The following LCLAT1 variants were observed in gnomAD, a reference collection of about 807,000 sequenced individuals.
LCLAT1 encodes 1-AGP acyltransferase 8.
A neutral mutation model predicts 30.7 loss-of-function variants in LCLAT1; 11 were observed. The ratio of observed to expected loss-of-function variants is 0.36; its 90% CI spans 0.23 to 0.59. The LOEUF is 0.59. LCLAT1 is among the 20% of genes least tolerant of loss of function. The probability of loss-of-function intolerance (pLI) is 0.77; values close to 1 mark genes in which losing one functional copy is unlikely to be tolerated. For synonymous variants in LCLAT1, 155 were observed against 151.3 expected, an observed-to-expected ratio of 1.02 and a Z score of -0.18; for missense variants, 402 against 458.6, an observed-to-expected ratio of 0.88 and a Z score of 1.13.
intron 1 of LCLAT1, among the ~76,000 whole-genome samples, chr2:30,456,429 C>T (rs201874280): frequency 1.5e-5 from 1 of 65,496 alleles, no homozygotes; most frequent in African/African-American, 3.5e-5. Flanking sequence ...TACCACCTGG[C>T]AGGGAAGTCT....
At chr2:30,475,154 C>T (rs111257104) in intron 1 of LCLAT1, among the ~76,000 whole-genome samples, 100 of 151,634 alleles carry the variant, frequency 6.6e-4, no homozygotes, top group African/African-American at 2.3e-3. Context: ...TGTGCCACCA[C>T]CACTGGTTAA....
intron 3 of LCLAT1, among the ~76,000 whole-genome samples, chr2:30,551,447 C>T (rs961402313): frequency 2.0e-5 from 3 of 152,164 alleles, no homozygotes; most frequent in Non-Finnish European, 4.4e-5. Context: ...CTCAGCATTT[C>T]GCTAAGGAGC....
rs772695376 is a variant in LCLAT1 at position 30,490,199 on chromosome 2, A to ATT, written c.-4-35368_-4-35367dup. 4.2e-3 allele frequency among the ~76,000 whole-genome samples: 513 copies of ATT among 121,396 alleles called. 12 individuals carry two copies. Among genetic ancestry groups the ATT allele is most frequent in the East Asian group, 0.02 (82 of 4,116 alleles). 79.6% of individuals were successfully genotyped at this position (121,396 alleles called of 152,430 possible). ...CTCAGCTAATTTAGGGGCTACTCTGATTTTTTTTTTTTTTTTTTTTTGAGA... is the reference window on the plus strand; with the variant it reads ...CTCAGCTAATTTAGGGGCTACTCTGATTTTTTTTTTTTTTTTTTTTTTTGAGA... On this transcript the variant is annotated intron_variant, in intron 1 of 5. Transcript: ENST00000379509.
chr2:30,447,866 G>A (rs534693402), intron 1 of LCLAT1, among the ~76,000 whole-genome samples: 1 of 152,368 alleles, frequency 6.6e-6, no homozygotes, highest in South Asian at 2.1e-4. Context: ...GGAGAGCAGG[G>A]GCTGGGGTTG....
intron 3 of LCLAT1, among the ~76,000 whole-genome samples, chr2:30,537,278 G>T (rs1232977241): frequency 1.3e-5 from 2 of 152,110 alleles, no homozygotes; most frequent in Non-Finnish European, 2.9e-5. Flanking sequence ...CTACTCGGGA[G>T]GCTGAGGCAG....
intron 1 of LCLAT1, among the ~76,000 whole-genome samples, chr2:30,501,086 G>GTA (rs780426968): frequency 0.026 from 2,007 of 78,092 alleles, 25 homozygotes; most frequent in African/African-American, 0.033. Flanking sequence ...CTGTGTGTGT[G>GTA]TGTGTGTGTG....
At chr2:30,538,480 A>C (rs1179672424) in intron 3 of LCLAT1, among the ~76,000 whole-genome samples, 1 of 151,840 alleles carries the variant, frequency 6.6e-6, no homozygotes, top group African/African-American at 2.4e-5. Context: ...CATATCTACT[A>C]AAATACAAAA....
intron 3 of LCLAT1, chr2:30,552,492 G>C: frequency 2.3e-6 from 1 of 442,172 alleles, no homozygotes; most frequent in Non-Finnish European, 4.6e-6. Context: ...TGTATTTTCA[G>C]CACAGTCACA....
intron 3 of LCLAT1, among the ~76,000 whole-genome samples, chr2:30,549,350 C>T (rs1346166139): frequency 6.6e-6 from 1 of 152,102 alleles, no homozygotes; most frequent in South Asian, 2.1e-4. Context: ...AGCTAGGAAG[C>T]GAATTTCACC....
At chr2:30,489,807 A>G (rs2148325189) in intron 1 of LCLAT1, among the ~76,000 whole-genome samples, 1 of 152,336 alleles carries the variant, frequency 6.6e-6, no homozygotes, top group South Asian at 2.1e-4. Flanking sequence ...AGAGCCAGTC[A>G]GGACTCTAGT....
At chr2:30,612,773 A>T (rs992755426) in intron 5 of LCLAT1, among the ~76,000 whole-genome samples, 1 of 152,146 alleles carries the variant, frequency 6.6e-6, no homozygotes, top group Non-Finnish European at 1.5e-5. Context: ...CTGTTAGGGA[A>T]GGCTCTATTC....
intron 1 of LCLAT1, among the ~76,000 whole-genome samples, chr2:30,496,088 T>C (rs1418176164): frequency 6.6e-6 from 1 of 152,072 alleles, no homozygotes; most frequent in Non-Finnish European, 1.5e-5. Context: ...TTGCCTTACA[T>C]GGCTAGAGCA....
At chr2:30,454,141 T>C (rs912255429) in intron 1 of LCLAT1, among the ~76,000 whole-genome samples, 1 of 152,254 alleles carries the variant, frequency 6.6e-6, no homozygotes, top group African/African-American at 2.4e-5. Flanking sequence ...TTTCTGAATA[T>C]CCATGCTGAA....
intron 3 of LCLAT1, among the ~76,000 whole-genome samples, chr2:30,549,246 T>C (rs1471556015): frequency 1.3e-5 from 2 of 152,174 alleles, no homozygotes; most frequent in Non-Finnish European, 2.9e-5. Flanking sequence ...ATTAATGCAA[T>C]TGGTTACCTA....
chr2:30,554,520 A>G lies in LCLAT1; in HGVS notation c.365-7626A>G, dbSNP rs191372937. ...TTAAAATCTGGTTTTACCACTTACCATGTCTTTAGCCCTCATGTCTCTCAG... is the reference window on the plus strand; with the variant it reads ...TTAAAATCTGGTTTTACCACTTACCGTGTCTTTAGCCCTCATGTCTCTCAG... On this transcript the variant is annotated intron_variant, in intron 3 of 5. Transcript: ENST00000379509. Among the ~76,000 whole-genome samples the G allele has an allele frequency of 1.1e-4, 17 of 152,308 alleles. No homozygotes were observed. The East Asian group carries it at 2.9e-3, about 26-fold the overall frequency.
intron 1 of LCLAT1, among the ~76,000 whole-genome samples, chr2:30,515,962 G>A (rs948807593): frequency 6.6e-6 from 1 of 152,180 alleles, no homozygotes; most frequent in Non-Finnish European, 1.5e-5. Flanking sequence ...ATGAGAGACA[G>A]GACTAGCTGG....
intron 5 of LCLAT1, among the ~76,000 whole-genome samples, chr2:30,594,596 TC>T (rs1218854934): frequency 6.6e-6 from 1 of 152,246 alleles, no homozygotes; most frequent in Non-Finnish European, 1.5e-5. Context: ...TATACACACA[TC>T]TTCACAACCA....
intron 1 of LCLAT1, among the ~76,000 whole-genome samples, chr2:30,471,609 C>T (rs930521572): frequency 6.6e-6 from 1 of 152,128 alleles, no homozygotes; most frequent in Non-Finnish European, 1.5e-5. Flanking sequence ...CTTTTACCTC[C>T]TTGGTTAAAT....
At chr2:30,468,214 A>G (rs1265441399) in intron 1 of LCLAT1, among the ~76,000 whole-genome samples, 1 of 152,148 alleles carries the variant, frequency 6.6e-6, no homozygotes, top group East Asian at 1.9e-4. Context: ...TCCTTTCCCC[A>G]TTTCTTGTTT....
Sources: allele counts gnomAD v4.1 joint callset (sites outside exome capture counted in the v4.1 genomes callset), GRCh38; gene constraint gnomAD v4.1.1; transcripts MANE v1.5; gene names NCBI Gene and HGNC (gene_info 2026-07-23, HGNC 2026-07-21).